CCDC15: variants seen among roughly 807,000 people sequenced by gnomAD.
CCDC15 encodes coiled-coil domain-containing protein 15.
A neutral mutation model predicts 114.5 loss-of-function variants in CCDC15; 105 were observed. The observed-to-expected ratio is 0.92, with a 90% CI of 0.78 to 1.08. CCDC15 has a LOEUF of 1.08. CCDC15 is among the 50% of genes least tolerant of loss of function. CCDC15 has a pLI of 0.00. For missense variants in CCDC15, 1,105 were observed against 1,093.6 expected (o/e 1.01, Z -0.15); for synonymous variants, 334 against 377.8 (o/e 0.88, Z 1.34).
chr11:125,035,872 A>G (rs1948771369), intron 13 of CCDC15, among the ~76,000 whole-genome samples: 1 of 151,908 alleles, frequency 6.6e-6, no homozygotes, highest in Non-Finnish European at 1.5e-5. Context: ...TAAAAACTCT[A>G]CACTTTAACA....
intron 8 of CCDC15, among the ~76,000 whole-genome samples, chr11:124,990,096 G>A (rs181890973): frequency 1.8e-3 from 276 of 152,276 alleles, no homozygotes; most frequent in Non-Finnish European, 3.2e-3. Context: ...CTTTAAAGTG[G>A]GAGACATGTG....
At chr11:124,995,814 A>C (rs1948356941) in intron 11 of CCDC15, among the ~76,000 whole-genome samples, 1 of 150,120 alleles carries the variant, frequency 6.7e-6, no homozygotes, top group Non-Finnish European at 1.5e-5. Flanking sequence ...GGAAATTTTC[A>C]ACCCTGGAAT....
chr11:125,027,521 G>T (rs1948711954), intron 13 of CCDC15, among the ~76,000 whole-genome samples: 1 of 151,744 alleles, frequency 6.6e-6, no homozygotes, highest in Admixed American at 6.6e-5. Flanking sequence ...ATGTTTGTTG[G>T]CTGTTTGAAT....
chr11:125,033,548 T>C (rs530531013), intron 13 of CCDC15, among the ~76,000 whole-genome samples: 4 of 152,188 alleles, frequency 2.6e-5, no homozygotes, highest in Admixed American at 1.3e-4. Flanking sequence ...AAATCTATTT[T>C]GGAAAGCATT....
intron 13 of CCDC15, among the ~76,000 whole-genome samples, chr11:125,029,886 C>T (rs1948726735): frequency 6.6e-6 from 1 of 152,178 alleles, no homozygotes; most frequent in South Asian, 2.1e-4. Context: ...GCATACTCCT[C>T]CTTACCTCTG....
chr11:125,006,870 G>C (rs111759712), intron 13 of CCDC15, among the ~76,000 whole-genome samples: 5 of 152,146 alleles, frequency 3.3e-5, no homozygotes, highest in African/African-American at 1.2e-4. Context: ...TCTCTGTTCT[G>C]TTCCATTGAT....
At chr11:125,013,521 A>T (rs1948609672) in intron 13 of CCDC15, among the ~76,000 whole-genome samples, 1 of 152,216 alleles carries the variant, frequency 6.6e-6, no homozygotes, top group South Asian at 2.1e-4. Context: ...CGATGAGGGC[A>T]CTGGGAACAG....
chr11:124,959,403 T>A, intron 3 of CCDC15, 139 bp downstream of exon 3: 1 of 783,226 alleles, frequency 1.3e-6, no homozygotes, highest in South Asian at 2.6e-5. Flanking sequence ...GACAGTAAAT[T>A]TTTTTTGTAG....
intron 13 of CCDC15, among the ~76,000 whole-genome samples, chr11:125,032,123 C>T (rs762170374): frequency 6.6e-5 from 10 of 152,194 alleles, no homozygotes; most frequent in African/African-American, 1.2e-4. Context: ...TGCTACTTCT[C>T]GCTCACTGGA....
chr11:125,038,958 AT>A lies in CCDC15; in HGVS notation c.2624del (p.Met875SerfsTer74). 2 of 1,613,466 alleles carry A rather than the reference AT, an allele frequency of 1.2e-6. No homozygotes were observed. The highest frequency in any genetic ancestry group is 1.7e-6 in the Non-Finnish European group (2 of 1,179,572). The part of the protein sequence containing the change: ...EALRAQIQEK[M>X]QLYNITLPPL... ...TTTACGAGCCCAAATCCAGGAGAAAATGCAGCTGTATAATATTACTTTACCT... is the reference window on the plus strand; with the variant it reads ...TTTACGAGCCCAAATCCAGGAGAAAAGCAGCTGTATAATATTACTTTACCT... On this transcript the variant is annotated frameshift_variant, in exon 15 of 16. Coordinates refer to ENST00000344762, the MANE Select transcript of CCDC15 (RefSeq NM_025004.3). LOFTEE classifies it high-confidence loss of function.
At chr11:124,976,244 T>C (rs1226210132) in intron 5 of CCDC15, among the ~76,000 whole-genome samples, 1 of 149,568 alleles carries the variant, frequency 6.7e-6, no homozygotes, top group African/African-American at 2.4e-5. Flanking sequence ...TATATAGATA[T>C]ATAATTTTGT....
At chr11:124,981,217 C>T (rs1477672167) in intron 6 of CCDC15, among the ~76,000 whole-genome samples, 2 of 151,984 alleles carry the variant, frequency 1.3e-5, no homozygotes, top group Admixed American at 1.3e-4. Flanking sequence ...AGAGTGTGTG[C>T]CATGTGCAGA....
intron 13 of CCDC15, among the ~76,000 whole-genome samples, chr11:125,024,127 T>TA (rs1948679685): frequency 6.6e-6 from 1 of 152,086 alleles, no homozygotes; most frequent in African/African-American, 2.4e-5. Flanking sequence ...TATACATACG[T>TA]ACATTCATCT....
chr11:125,009,248 A>G (rs144702328), intron 13 of CCDC15, among the ~76,000 whole-genome samples: 1 of 152,172 alleles, frequency 6.6e-6, no homozygotes, highest in Non-Finnish European at 1.5e-5. Context: ...AAAAAGTTAT[A>G]ATGAAATCTA....
At chr11:125,005,269 A>T (rs968680225) in intron 13 of CCDC15, 57 bp downstream of exon 13, 1 of 756,540 alleles carries the variant, frequency 1.3e-6, no homozygotes, top group Non-Finnish European at 2.1e-6. Flanking sequence ...TGTTTTTGGA[A>T]GATGAACTTT....
chr11:124,959,646 A>C lies in CCDC15; in HGVS notation c.328-169A>C, dbSNP rs998049046. ...TGTGAGAGTTAGATGAGATAACCTA[A>C]ATTATTAGCACATGGGAGGTGCCTG... On this transcript the variant is annotated intron_variant, in intron 3 of 15. Transcript: ENST00000344762. 2.6e-5 allele frequency among the ~76,000 whole-genome samples: 4 copies of C among 151,434 alleles called. No homozygotes were observed. The East Asian group carries it at 7.7e-4, about 29-fold the overall frequency.
chr11:124,955,928 T>C (rs188040683), intron 2 of CCDC15, among the ~76,000 whole-genome samples: 31 of 152,266 alleles, frequency 2.0e-4, no homozygotes, highest in African/African-American at 6.7e-4. Flanking sequence ...GTTGGGTTGA[T>C]GTGACCCAGG....
At chr11:125,001,285 C>T (rs1184615377) in intron 11 of CCDC15, among the ~76,000 whole-genome samples, 1 of 152,228 alleles carries the variant, frequency 6.6e-6, no homozygotes, top group African/African-American at 2.4e-5. Flanking sequence ...TCAAATTTTT[C>T]ACAGCTCTGT....
rs749747835 is a variant in CCDC15, at chr11:124,986,725, A to G, written c.754-17A>G. On this transcript the variant is annotated splice_polypyrimidine_tract_variant and intron_variant, in intron 6 of 15. Transcript: ENST00000344762. ...TGCGCGCGCGCGCGTGCGCGTTTTCATTGTTTTTTTCTTTAGGAACTTGAC... is the reference window on the plus strand; with the variant it reads ...TGCGCGCGCGCGCGTGCGCGTTTTCGTTGTTTTTTTCTTTAGGAACTTGAC... 3.4e-6 allele frequency: 5 copies of G among 1,473,228 alleles called. No individual in the cohort carries two copies. In the Admixed American group the frequency reaches 6.8e-5, roughly 20 times the overall value. The allele number at this position is 1,473,228 out of a possible 1,614,324, so 91.3% of individuals were successfully genotyped here.
Sources: allele counts gnomAD v4.1 joint callset (sites outside exome capture counted in the v4.1 genomes callset), GRCh38; gene constraint gnomAD v4.1.1; transcripts MANE v1.5; gene names NCBI Gene and HGNC (gene_info 2026-07-23, HGNC 2026-07-21).